DHX36: variants seen among roughly 807,000 people sequenced by gnomAD.
DHX36 encodes the protein ATP-dependent DNA/RNA helicase DHX36.
In DHX36, 50 loss-of-function variants were observed where a neutral mutation model predicts 139.0. That is an observed-to-expected ratio of 0.36 (90% CI 0.29 to 0.46). The LOEUF is 0.46. Ranked by LOEUF, DHX36 falls within the 20% of genes least tolerant of loss-of-function variation. The pLI is 1.00. For synonymous variants in DHX36, 425 were observed against 401.9 expected, an observed-to-expected ratio of 1.06 and a Z score of -0.69; for missense variants, 1,024 against 1,211.3, an observed-to-expected ratio of 0.85 and a Z score of 2.29.
chr3:154,276,326 G>A lies in DHX36; in HGVS notation c.2872C>T (p.Gln958Ter). 3 of 1,612,950 alleles carry A rather than the reference G, an allele frequency of 1.9e-6. No homozygotes were observed. The highest frequency in any genetic ancestry group is 2.5e-6 in the Non-Finnish European group (3 of 1,179,766). ...GGATGAGGACTTTCAATCTTCTCTT[G>A]CAGAAGAATATCTAGTTCCTTTCTT... Reference protein sequence around the residue: ...ELRKELDILLQEKIESPHPVD... With the variant: ...ELRKELDILL The change falls in exon 25 of 25, where the codon CAA becomes TAA. Residue 958 changes from glutamine (Q) to a stop codon, truncating the protein, a stop_gained. Transcript: ENST00000496811. LOFTEE classifies it high-confidence loss of function.
intron 1 of DHX36, among the ~76,000 whole-genome samples, chr3:154,321,395 T>G (rs1309046847): frequency 6.6e-6 from 1 of 152,162 alleles, no homozygotes; most frequent in Non-Finnish European, 1.5e-5. Flanking sequence ...CACACACACG[T>G]ACATTCACTT....
rs750902113 is a variant in DHX36 at position 154,301,027 on chromosome 3, T to C, written c.1318A>G (p.Lys440Glu). The stretch of plus-strand genomic sequence containing the variant: ...CTTACATAATCTGGCCAACGTTCTT[T>C]ATATATTGCTTCTTTTTCTTCTTTT... ...QEKEEKEAIY[K>E]ERWPDYVREL... Residue 440 changes from lysine (K) to glutamate (E), a missense_variant, in exon 10 of 25, where the codon AAA becomes GAA. Around this residue, in one of 4 missense-constraint regions of DHX36, gnomAD observed 115 missense variants for 105.6 expected, o/e 1.09. Coordinates refer to ENST00000496811, the MANE Select transcript of DHX36 (RefSeq NM_020865.3). 5.0e-6 allele frequency: 8 copies of C among 1,613,498 alleles called. No homozygotes were observed. The South Asian group carries it at 7.7e-5, about 16-fold the overall frequency.
At position 154,315,316 on chromosome 3, in the gene DHX36, A is replaced by T. The variant is rs576623054; in HGVS notation, c.369-36T>A. The T allele has an allele frequency of 2.8e-5, 42 of 1,485,294 alleles. No individual in the cohort carries two copies. In the South Asian group the frequency reaches 4.6e-4, roughly 16 times the overall value. 92.0% of individuals were successfully genotyped at this position (1,485,294 alleles called of 1,614,324 possible). A position where few individuals can be genotyped will look rare whatever the true frequency, so the allele number is the denominator to read the frequency against. ...AAAATAAGAAAGGAAGAAAGGTCAG[A>T]TGAGCCACTCAAACACTGGAACAAA... On this transcript the variant is annotated intron_variant, in intron 2 of 24. Transcript: ENST00000496811.
At chr3:154,291,808 A>G (rs1317793703) in intron 15 of DHX36, among the ~76,000 whole-genome samples, 1 of 152,236 alleles carries the variant, frequency 6.6e-6, no homozygotes, top group Non-Finnish European at 1.5e-5. Flanking sequence ...AAATCCATAT[A>G]TGGCTCTTAT....
rs1160322116 is a variant in DHX36 at position 154,275,858 on chromosome 3, T to A, written c.*313A>T. On this transcript the variant is annotated 3_prime_UTR_variant, in exon 25 of 25. Transcript: ENST00000496811. Reference sequence around the variant, plus strand: ...TATGAGCAGAAAGATTAATTTTGTATAACAGAACAAAGGAATTTCTCAAGT... The same window carrying A: ...TATGAGCAGAAAGATTAATTTTGTAAAACAGAACAAAGGAATTTCTCAAGT... 5.7e-6 allele frequency: 1 copy of A among 174,148 alleles called. No homozygotes were observed. Among genetic ancestry groups the A allele is most frequent in the Non-Finnish European group, 1.2e-5 (1 of 83,158 alleles). 10.8% of individuals were successfully genotyped at this position (174,148 alleles called of 1,614,324 possible).
At chr3:154,293,654 A>G (rs2077832946) in intron 14 of DHX36, 94 bp downstream of exon 14, 1 of 906,340 alleles carries the variant, frequency 1.1e-6, no homozygotes, top group Non-Finnish European at 1.8e-6. Flanking sequence ...ATTACAAGGT[A>G]TATGGTAGAG....
intron 8 of DHX36, among the ~76,000 whole-genome samples, chr3:154,303,989 T>G (rs894329554): frequency 5.3e-5 from 8 of 152,146 alleles, no homozygotes; most frequent in Non-Finnish European, 1.2e-4. Flanking sequence ...TCAAAATACC[T>G]AAGTAGGTAT....
At chr3:154,278,358 G>A (rs1719221540) in intron 22 of DHX36, 1 of 151,662 alleles carries the variant, frequency 6.6e-6, no homozygotes, top group Non-Finnish European at 1.5e-5. Flanking sequence ...TATTCAACAG[G>A]GAGATGTTTA....
chr3:154,274,144 CA>C lies in DHX36; in HGVS notation c.*2026del. ...GCAACATGGTGAAACGGTGTCTCTA[CA>C]AAAAATACAGAAATTAGCTGGGTGT... On this transcript the variant is annotated 3_prime_UTR_variant, in exon 25 of 25. Coordinates refer to ENST00000496811, the MANE Select transcript of DHX36 (RefSeq NM_020865.3). 6.6e-6 allele frequency: 1 copy of C among 152,488 alleles called. No individual in the cohort carries two copies. The highest frequency in any genetic ancestry group is 2.0e-4 in the South Asian group (1 of 4,882). 9.4% of individuals were successfully genotyped at this position (152,488 alleles called of 1,614,324 possible).
Position 154,293,785 on chromosome 3 carries a change from G to C in DHX36, c.1633C>G (p.Arg545Gly). The C allele has an allele frequency of 6.2e-7, 1 of 1,612,610 alleles. No individual in the cohort carries two copies. The highest frequency in any genetic ancestry group is 8.5e-7 in the Non-Finnish European group (1 of 1,179,156). ...QVFKRTPPGV[R>G]KIVIATNIAE... Reference sequence around the variant, plus strand: ...ATGTTGGTAGCAATTACTATTTTCCGAACACCAGGAGGGGTTCTTTTAAAC... The same window carrying C: ...ATGTTGGTAGCAATTACTATTTTCCCAACACCAGGAGGGGTTCTTTTAAAC... The change falls in exon 14 of 25, where the codon CGG becomes GGG. Residue 545 changes from arginine to glycine, a missense_variant. Arg to Gly is a moderately radical substitution (Grantham distance 125). This residue lies in a region of DHX36 where 470 missense variants were observed against 616.2 expected (regional missense o/e 0.76). Coordinates refer to ENST00000496811, the MANE Select transcript of DHX36 (RefSeq NM_020865.3).
chr3:154,283,897 T>A (rs573027843), intron 19 of DHX36, among the ~76,000 whole-genome samples: 8 of 152,314 alleles, frequency 5.3e-5, no homozygotes, highest in East Asian at 1.9e-4. Flanking sequence ...ATGATTATGA[T>A]CCTCTATTAC....
At chr3:154,276,601 A>G in intron 24 of DHX36, 146 bp downstream of exon 24, 1 of 961,052 alleles carries the variant, frequency 1.0e-6, no homozygotes, top group Middle Eastern at 3.3e-4. Flanking sequence ...AACACAATTC[A>G]GAAAAACCAG....
chr3:154,323,778 A>C (rs1713290623), intron 1 of DHX36, among the ~76,000 whole-genome samples: 1 of 152,202 alleles, frequency 6.6e-6, no homozygotes, highest in South Asian at 2.1e-4. Context: ...CAAATGTAGA[A>C]AGGTCGCTAT....
At chr3:154,301,365 C>G (rs1712270252) in intron 9 of DHX36, among the ~76,000 whole-genome samples, 1 of 152,010 alleles carries the variant, frequency 6.6e-6, no homozygotes, top group South Asian at 2.1e-4. Flanking sequence ...CATTTTTAGT[C>G]AAAAATTTAG....
At position 154,283,280 on chromosome 3, in the gene DHX36, C is replaced by G. The variant is rs758020089; in HGVS notation, c.2293-9G>C. ...CTAGCCTCTTCCCAGCCCTATGGGG[C>G]AAAGAAATGAAGAAATCTATATTTC... On this transcript the variant is annotated splice_polypyrimidine_tract_variant and intron_variant, in intron 19 of 24. Coordinates refer to ENST00000496811, the MANE Select transcript of DHX36 (RefSeq NM_020865.3). The G allele has an allele frequency of 1.9e-6, 3 of 1,594,396 alleles. No individual in the cohort carries two copies. Among genetic ancestry groups the G allele is most frequent in the Non-Finnish European group, 2.6e-6 (3 of 1,162,912 alleles).
intron 3 of DHX36, among the ~76,000 whole-genome samples, chr3:154,314,322 T>A (rs1712879981): frequency 6.6e-6 from 1 of 152,226 alleles, no homozygotes; most frequent in Non-Finnish European, 1.5e-5. Context: ...TTAAGGAAAT[T>A]CAGCTTTCAT....
Position 154,285,141 on chromosome 3 carries a change from A to G in DHX36, c.2032-154T>C, listed in dbSNP as rs56363872. ...CAGCTTTAGTTTTCCCTACCAAAACATAAGTTGTGAGGTCAGCAAAGGTTA... is the reference window on the plus strand; with the variant it reads ...CAGCTTTAGTTTTCCCTACCAAAACGTAAGTTGTGAGGTCAGCAAAGGTTA... On this transcript the variant is annotated intron_variant, in intron 17 of 24. Transcript: ENST00000496811. 5.3e-3 allele frequency among the ~76,000 whole-genome samples: 813 copies of G among 152,372 alleles called. 5 individuals carry two copies. The highest frequency in any genetic ancestry group is 0.022 in the South Asian group (108 of 4,830).
chr3:154,300,230 G>A (rs1358193400), intron 11 of DHX36, among the ~76,000 whole-genome samples: 2 of 152,040 alleles, frequency 1.3e-5, no homozygotes, highest in African/African-American at 2.4e-5. Context: ...ACCACGCCCA[G>A]CAAATTTTTG....
At position 154,287,660 on chromosome 3, in the gene DHX36, A is replaced by AAAAAT. The variant is rs1001256389; in HGVS notation, c.2031+1201_2031+1205dup. On this transcript the variant is annotated intron_variant, in intron 17 of 24. Coordinates refer to ENST00000496811, the MANE Select transcript of DHX36 (RefSeq NM_020865.3). ...TGCGTGACAGAGTGAGACTCTCTCC[A>AAAAAT]AAAATAAAATAAAATAAAATAAAAT... Among the ~76,000 whole-genome samples, 637 of 152,102 alleles carry AAAAAT rather than the reference A, an allele frequency of 4.2e-3. 5 individuals are homozygous for AAAAAT. The highest frequency in any genetic ancestry group is 0.014 in the African/African-American group (590 of 41,440).
Sources: gnomAD v4.1 joint callset for allele counts (sites outside exome capture counted in the v4.1 genomes callset) on GRCh38, gnomAD v4.1.1 for gene constraint, gnomAD v4.1.1 regional missense constraint, MANE v1.5 for transcripts, NCBI Gene and HGNC (gene_info 2026-07-23, HGNC 2026-07-21) for gene names.